CADM2: variants seen among roughly 807,000 people sequenced by gnomAD.
CADM2 encodes the protein cell adhesion molecule 2, also known as immunoglobulin superfamily member 4D.
CADM2 carries 12 observed loss-of-function variants against 49.8 expected under a neutral mutation model. The observed-to-expected ratio is 0.24, with a 90% CI of 0.15 to 0.39. The LOEUF is 0.39. Ranked by LOEUF, CADM2 falls within the 10% of genes least tolerant of loss-of-function variation. CADM2 has a pLI of 1.00. For missense variants in CADM2, 378 were observed against 492.3 expected (o/e 0.77, Z 2.20); for synonymous variants, 214 against 175.4 (o/e 1.22, Z -1.74).
chr3:85,507,253 G>C lies in CADM2; in HGVS notation c.62-219269G>C, dbSNP rs186883280. Among the ~76,000 whole-genome samples, 498 of 147,168 alleles carry C rather than the reference G, an allele frequency of 3.4e-3. 2 individuals are homozygous for C. In the Middle Eastern group the frequency reaches 0.039, roughly 12 times the overall value. On this transcript the variant is annotated intron_variant, in intron 1 of 9. Coordinates refer to ENST00000383699, the MANE Select transcript of CADM2 (RefSeq NM_001167675.2). The stretch of plus-strand genomic sequence containing the variant: ...GGCTGGAGTGCAGTGGTGCGATCTC[G>C]GCTTATTGCAACCTCCACCTCCCTC...
At chr3:85,424,547 GGGCTCTAACT>G (rs1342725913) in intron 1 of CADM2, among the ~76,000 whole-genome samples, 1 of 151,948 alleles carries the variant, frequency 6.6e-6, no homozygotes, top group Non-Finnish European at 1.5e-5. Context: ...CCCAATTGAT[GGGCTCTAACT>G]GGCTTCCTGA....
chr3:85,098,647 T>C (rs544975387), intron 1 of CADM2, among the ~76,000 whole-genome samples: 63 of 152,248 alleles, frequency 4.1e-4, no homozygotes, highest in African/African-American at 1.4e-3. Context: ...ACTATATTCG[T>C]CCCTCAGTAC....
At chr3:85,868,280 T>G (rs911697725) in intron 3 of CADM2, among the ~76,000 whole-genome samples, 2 of 152,084 alleles carry the variant, frequency 1.3e-5, no homozygotes, top group Admixed American at 1.3e-4. Flanking sequence ...ATAAAAGTTT[T>G]CAGGCTTATA....
At chr3:85,511,920 A>C in intron 1 of CADM2, 1 of 941,998 alleles carries the variant, frequency 1.1e-6, no homozygotes, top group Non-Finnish European at 1.3e-6. Flanking sequence ...AAAAGTGGTG[A>C]AATTATATCT....
intron 1 of CADM2, among the ~76,000 whole-genome samples, chr3:85,605,048 T>G (rs1371008430): frequency 6.6e-6 from 1 of 151,996 alleles, no homozygotes; most frequent in East Asian, 1.9e-4. Flanking sequence ...AAGTAGAACA[T>G]TGGCACTAAT....
intron 1 of CADM2, among the ~76,000 whole-genome samples, chr3:85,360,812 A>AG (rs2107277915): frequency 6.6e-6 from 1 of 152,206 alleles, no homozygotes; most frequent in South Asian, 2.1e-4. Flanking sequence ...CTTAATTCTG[A>AG]ACTTGTTTCC....
At chr3:85,457,002 C>A (rs577988060) in intron 1 of CADM2, among the ~76,000 whole-genome samples, 1 of 151,926 alleles carries the variant, frequency 6.6e-6, no homozygotes, top group African/African-American at 2.4e-5. Context: ...TTGAACAATT[C>A]TTATTTCTAG....
chr3:85,219,691 T>A (rs569246869), intron 1 of CADM2, among the ~76,000 whole-genome samples: 3 of 152,106 alleles, frequency 2.0e-5, no homozygotes, highest in East Asian at 3.9e-4. Context: ...TATTGATTTT[T>A]AAAAAAATAT....
chr3:85,956,180 CT>C (rs1262501965), intron 7 of CADM2, among the ~76,000 whole-genome samples: 1 of 151,606 alleles, frequency 6.6e-6, no homozygotes, highest in Non-Finnish European at 1.5e-5. Flanking sequence ...TGGTGTCTAG[CT>C]CCTACTCTTT....
At chr3:85,779,260 T>C (rs919629293) in intron 2 of CADM2, among the ~76,000 whole-genome samples, 7 of 152,152 alleles carry the variant, frequency 4.6e-5, no homozygotes, top group African/African-American at 1.7e-4. Flanking sequence ...AAGTTTATTT[T>C]TACACAACTT....
At chr3:85,292,104 C>A (rs887301978) in intron 1 of CADM2, among the ~76,000 whole-genome samples, 1 of 146,462 alleles carries the variant, frequency 6.8e-6, no homozygotes, top group African/African-American at 2.5e-5. Flanking sequence ...ATCTACCAAG[C>A]AAATGGAAAA....
chr3:85,207,221 C>A (rs2041668282), intron 1 of CADM2, among the ~76,000 whole-genome samples: 1 of 152,084 alleles, frequency 6.6e-6, no homozygotes, highest in Non-Finnish European at 1.5e-5. Context: ...CTCTTATTTT[C>A]TTTCTGAGGA....
intron 1 of CADM2, among the ~76,000 whole-genome samples, chr3:85,481,018 T>A (rs1559861645): frequency 6.6e-6 from 1 of 151,600 alleles, no homozygotes; most frequent in Non-Finnish European, 1.5e-5. Flanking sequence ...ACATTTGAAG[T>A]CTGAACTTGA....
intron 1 of CADM2, among the ~76,000 whole-genome samples, chr3:85,175,777 A>T (rs893000339): frequency 6.6e-6 from 1 of 152,158 alleles, no homozygotes; most frequent in Non-Finnish European, 1.5e-5. Flanking sequence ...CACAATAAAA[A>T]ATAGATCATT....
intron 1 of CADM2, among the ~76,000 whole-genome samples, chr3:85,288,591 G>C (rs1392725484): frequency 1.3e-5 from 2 of 151,736 alleles, no homozygotes; most frequent in African/African-American, 4.8e-5. Flanking sequence ...TTCAATTGCA[G>C]GCATATTTCA....
intron 1 of CADM2, among the ~76,000 whole-genome samples, chr3:85,583,250 G>A (rs572543883): frequency 6.6e-6 from 1 of 152,142 alleles, no homozygotes; most frequent in South Asian, 2.1e-4. Context: ...ATTGATGATG[G>A]CTTCATTCAC....
chr3:85,978,998 G>C lies in CADM2; in HGVS notation c.970+17351G>C, dbSNP rs116750980. 7.3e-3 allele frequency among the ~76,000 whole-genome samples: 1,107 copies of C among 151,630 alleles called. 20 individuals carry two copies. The highest frequency in any genetic ancestry group is 0.022 in the African/African-American group (924 of 41,450). On this transcript the variant is annotated intron_variant, in intron 8 of 9. Coordinates refer to ENST00000383699, the MANE Select transcript of CADM2 (RefSeq NM_001167675.2). ...TTGTGTTGGAGCATGAAAAAGAAGT[G>C]AAAAAAATGACAAGAATTGTGTGAC...
intron 1 of CADM2, among the ~76,000 whole-genome samples, chr3:85,144,620 A>AAAGAAAG (rs1553688090): frequency 2.0e-4 from 27 of 136,382 alleles, no homozygotes; most frequent in African/African-American, 2.3e-4. Context: ...TCAAAAAAAA[A>AAAGAAAG]AAAGAAAGAA....
intron 1 of CADM2, among the ~76,000 whole-genome samples, chr3:85,062,930 CTA>C (rs138453499): frequency 0.05 from 7,587 of 151,822 alleles, 596 homozygotes; most frequent in African/African-American, 0.17. Flanking sequence ...GAATTTTAGA[CTA>C]TTTGATTTGA....
Sources: allele counts gnomAD v4.1 joint callset (sites outside exome capture counted in the v4.1 genomes callset), GRCh38; gene constraint gnomAD v4.1.1; transcripts MANE v1.5; gene names NCBI Gene and HGNC (gene_info 2026-07-23, HGNC 2026-07-21).